Variants in SYT1 observed in about 807,000 individuals in gnomAD.
SYT1 encodes synaptotagmin 1, also known as synaptotagmin-1.
A neutral mutation model predicts 44.8 loss-of-function variants in SYT1; 8 were observed. The observed-to-expected ratio is 0.18, with a 90% CI of 0.10 to 0.32. The LOEUF (loss-of-function observed/expected upper bound fraction) is 0.32. SYT1 is among the 10% of genes least tolerant of loss of function. The pLI, the probability that SYT1 is intolerant of heterozygous loss-of-function variation, is 1.00. For missense variants in SYT1, 286 were observed against 509.3 expected (o/e 0.56, Z 4.22); for synonymous variants, 154 against 188.8 (o/e 0.82, Z 1.51).
chr12:79,014,140 A>AG (rs1871632382), intron 2 of SYT1, among the ~76,000 whole-genome samples: 12 of 125,538 alleles, frequency 9.6e-5, no homozygotes, highest in African/African-American at 4.1e-4. Flanking sequence ...AAAAAAAAAG[A>AG]AAAAAAAAAA....
intron 3 of SYT1, among the ~76,000 whole-genome samples, chr12:79,192,984 A>C (rs1873220958): frequency 6.6e-6 from 1 of 152,182 alleles, no homozygotes; most frequent in African/African-American, 2.4e-5. Context: ...TACCTGAATT[A>C]AGGGCAGTTC....
intron 1 of SYT1, among the ~76,000 whole-genome samples, chr12:78,873,130 TTC>T (rs1258338520): frequency 2.0e-5 from 3 of 151,696 alleles, no homozygotes; most frequent in African/African-American, 7.2e-5. Context: ...AATGAAGAGG[TTC>T]TCTCTCTTAA....
At chr12:78,968,857 T>C (rs560019819) in intron 1 of SYT1, among the ~76,000 whole-genome samples, 1 of 152,142 alleles carries the variant, frequency 6.6e-6, no homozygotes, top group Non-Finnish European at 1.5e-5. Flanking sequence ...CCAGATACTA[T>C]CCAAGATGCT....
At chr12:79,115,279 A>G (rs566808770) in intron 3 of SYT1, among the ~76,000 whole-genome samples, 2 of 152,314 alleles carry the variant, frequency 1.3e-5, no homozygotes, top group East Asian at 3.9e-4. Context: ...CCAGGAAACT[A>G]TCTAAAGAGA....
chr12:78,878,706 T>C (rs1874300774), intron 1 of SYT1, among the ~76,000 whole-genome samples: 1 of 151,740 alleles, frequency 6.6e-6, no homozygotes, highest in Admixed American at 6.6e-5. Flanking sequence ...GAAATAGCAT[T>C]GTGTAGGATA....
chr12:79,311,794 C>T (rs1431697798), intron 8 of SYT1, among the ~76,000 whole-genome samples: 1 of 145,532 alleles, frequency 6.9e-6, no homozygotes, highest in Non-Finnish European at 1.5e-5. Flanking sequence ...CGCATGTTCT[C>T]ACTCATAGGT....
intron 3 of SYT1, among the ~76,000 whole-genome samples, chr12:79,184,822 TCATCTTTATTAACATG>T (rs1272035106): frequency 1.3e-5 from 2 of 152,070 alleles, no homozygotes; most frequent in Non-Finnish European, 2.9e-5. Flanking sequence ...GTTTGTGACA[TCATCTTTATTAACATG>T]CACGCTCTGA....
At chr12:79,283,100 T>C (rs10861769) in intron 4 of SYT1, among the ~76,000 whole-genome samples, 34,587 of 152,114 alleles carry the variant, frequency 0.23, 5,011 homozygotes, top group East Asian at 0.45. Flanking sequence ...AAATGGCTGT[T>C]TCTTTACATG....
chr12:79,098,262 A>G (rs752635483), intron 3 of SYT1, among the ~76,000 whole-genome samples: 4 of 152,114 alleles, frequency 2.6e-5, no homozygotes, highest in Admixed American at 6.6e-5. Context: ...CGACACTGTC[A>G]TCTCCAAATG....
intron 2 of SYT1, among the ~76,000 whole-genome samples, chr12:79,013,538 T>G (rs1373463761): frequency 6.6e-6 from 1 of 152,158 alleles, no homozygotes; most frequent in Non-Finnish European, 1.5e-5. Flanking sequence ...CGGTAGCCCT[T>G]TCTCACTAAC....
intron 2 of SYT1, among the ~76,000 whole-genome samples, chr12:79,004,808 T>G (rs1193501931): frequency 6.6e-6 from 1 of 152,000 alleles, no homozygotes; most frequent in Non-Finnish European, 1.5e-5. Flanking sequence ...AGAAAGTGAT[T>G]CAGTAACTTG....
intron 8 of SYT1, among the ~76,000 whole-genome samples, chr12:79,305,212 A>C (rs1208029144): frequency 6.6e-6 from 1 of 152,236 alleles, no homozygotes; most frequent in African/African-American, 2.4e-5. Flanking sequence ...TTTCTAAACA[A>C]AAATCCAATA....
intron 9 of SYT1, among the ~76,000 whole-genome samples, chr12:79,384,602 T>C (rs771371964): frequency 6.6e-5 from 10 of 152,194 alleles, no homozygotes; most frequent in Non-Finnish European, 1.2e-4. Flanking sequence ...AGACACAAAG[T>C]TATGGCACTG....
At chr12:79,408,809 C>T (rs11114108) in intron 9 of SYT1, among the ~76,000 whole-genome samples, 2,829 of 151,180 alleles carry the variant, frequency 0.019, 136 homozygotes, top group East Asian at 0.18. Context: ...TATAATTTCC[C>T]GGAGAGTTAT....
chr12:79,046,084 CA>C (rs149667130), intron 2 of SYT1, among the ~76,000 whole-genome samples: 2,115 of 152,196 alleles, frequency 0.014, 52 homozygotes, highest in African/African-American at 0.047. Flanking sequence ...GGCAGTCAGG[CA>C]AACCTAGGTG....
chr12:79,255,721 G>C (rs1240930018), intron 4 of SYT1, among the ~76,000 whole-genome samples: 1 of 152,208 alleles, frequency 6.6e-6, no homozygotes, highest in Non-Finnish European at 1.5e-5. Context: ...ACAAGACTCT[G>C]TGGAATTGAA....
chr12:79,043,119 G>A (rs1473841382), intron 2 of SYT1, among the ~76,000 whole-genome samples: 24 of 150,928 alleles, frequency 1.6e-4, no homozygotes, highest in Admixed American at 1.2e-3. Flanking sequence ...TGGGGTGGAG[G>A]GTTCTGTAGA....
At chr12:79,396,485 C>G (rs1377741350) in intron 9 of SYT1, among the ~76,000 whole-genome samples, 1 of 152,050 alleles carries the variant, frequency 6.6e-6, no homozygotes, top group Non-Finnish European at 1.5e-5. Context: ...AGTTGAAGGT[C>G]ATAGGAAATA....
At chr12:79,077,141 T>A (rs1228507229) in intron 3 of SYT1, among the ~76,000 whole-genome samples, 3 of 152,046 alleles carry the variant, frequency 2.0e-5, no homozygotes, top group African/African-American at 7.2e-5. Context: ...TGCCCTGAGC[T>A]CTCTTGGATA....
Sources: allele counts gnomAD v4.1 joint callset (sites outside exome capture counted in the v4.1 genomes callset), GRCh38; gene constraint gnomAD v4.1.1; transcripts MANE v1.5; gene names NCBI Gene and HGNC (gene_info 2026-07-23, HGNC 2026-07-21).